Variants in MTO1 observed in about 807,000 individuals in gnomAD.
MTO1 encodes mitochondrial tRNA translation optimization 1.
A neutral mutation model predicts 71.6 loss-of-function variants in MTO1; 46 were observed. The ratio of observed to expected loss-of-function variants is 0.64; its 90% CI spans 0.51 to 0.82. The LOEUF (loss-of-function observed/expected upper bound fraction) is 0.82, where lower values mean the gene tolerates loss of function less well. Among genes scored for constraint, MTO1 ranks in the 40% least tolerant of loss-of-function variants. The probability of loss-of-function intolerance (pLI) is 0.00; values close to 1 mark genes in which losing one functional copy is unlikely to be tolerated. For synonymous variants in MTO1, 297 were observed against 312.1 expected (o/e 0.95, Z 0.51); for missense variants, 773 against 867.5 (o/e 0.89, Z 1.37).
At chr6:73,467,644 T>TAAATAAATAAATAAATAAATAA (rs1373451890) in intron 3 of MTO1, among the ~76,000 whole-genome samples, 17 of 52,220 alleles carry the variant, frequency 3.3e-4, no homozygotes, top group Non-Finnish European at 7.7e-4. Flanking sequence ...TAAATAAATA[T>TAAATAAATAAATAAATAAATAA]AAAAGAAATT....
At chr6:73,489,653 T>C (rs1185856154) in intron 9 of MTO1, among the ~76,000 whole-genome samples, 2 of 152,180 alleles carry the variant, frequency 1.3e-5, no homozygotes, top group Non-Finnish European at 2.9e-5. Flanking sequence ...CCATGGTGTA[T>C]ATGTGGCACA....
At position 73,492,939 on chromosome 6, in the gene MTO1, C is replaced by A. The variant is rs1473761315; in HGVS notation, c.1756+587C>A. On this transcript the variant is annotated intron_variant, in intron 10 of 11. Transcript: ENST00000498286. ...TTTCAAATAAGTGGTACTGCAGAGTCCTCCTATAAATAAATATATATATAA... is the reference window on the plus strand; with the variant it reads ...TTTCAAATAAGTGGTACTGCAGAGTACTCCTATAAATAAATATATATATAA... Among the ~76,000 whole-genome samples, 4 of 147,676 alleles carry A rather than the reference C, an allele frequency of 2.7e-5. No homozygotes were observed. In the East Asian group the frequency reaches 7.8e-4, roughly 29 times the overall value.
chr6:73,497,008 C>T (rs371165843), intron 10 of MTO1, among the ~76,000 whole-genome samples: 11 of 149,674 alleles, frequency 7.3e-5, no homozygotes, highest in East Asian at 2.1e-4. Flanking sequence ...GAGCCGAGAT[C>T]GCGCCACTGC....
At chr6:73,479,869 G>A in intron 5 of MTO1, 25 bp downstream of exon 5, 1 of 1,605,166 alleles carries the variant, frequency 6.2e-7, no homozygotes, top group Non-Finnish European at 8.5e-7. Context: ...TCAGTGCTCA[G>A]TTACTTTAAG....
chr6:73,471,220 G>A (rs1415637406), intron 3 of MTO1, among the ~76,000 whole-genome samples: 1 of 133,596 alleles, frequency 7.5e-6, no homozygotes. Context: ...TTTTTTTTAA[G>A]TTTGTGGGTT....
intron 1 of MTO1, among the ~76,000 whole-genome samples, chr6:73,464,589 G>A (rs536657230): frequency 6.6e-6 from 1 of 150,518 alleles, no homozygotes; most frequent in South Asian, 2.1e-4. Flanking sequence ...AGACCAGCCT[G>A]ACCAACATGG....
At chr6:73,493,702 A>G (rs75798745) in intron 10 of MTO1, among the ~76,000 whole-genome samples, 29,081 of 151,442 alleles carry the variant, frequency 0.19, 2,866 homozygotes, top group Middle Eastern at 0.23. Flanking sequence ...ATATATATAT[A>G]TCTTTATATA....
At chr6:73,473,300 A>G in intron 3 of MTO1, 65 bp from the exon 4 acceptor site, 1 of 1,388,716 alleles carries the variant, frequency 7.2e-7, no homozygotes, top group East Asian at 2.5e-5. Context: ...AGATAGATAG[A>G]TACATAGATA....
intron 4 of MTO1, among the ~76,000 whole-genome samples, chr6:73,475,512 CTTTTT>C (rs111808691): frequency 7.2e-6 from 1 of 139,324 alleles, no homozygotes; most frequent in Non-Finnish European, 1.6e-5. Flanking sequence ...GTCTTGAACT[CTTTTT>C]TTTTTTTTTT....
rs1006760335 is a variant in MTO1, at chr6:73,500,752, G to T, written c.*17G>T. 6.5e-7 allele frequency: 1 copy of T among 1,535,284 alleles called. No individual in the cohort carries two copies. Among genetic ancestry groups the T allele is most frequent in the African/African-American group, 1.4e-5 (1 of 72,104 alleles). Reference sequence around the variant, plus strand: ...GAGTTATAGCTTTCAATTCATAAAAGATTTTTAAAGAGCATATAAATAATT... The same window carrying T: ...GAGTTATAGCTTTCAATTCATAAAATATTTTTAAAGAGCATATAAATAATT... On this transcript the variant is annotated 3_prime_UTR_variant, in exon 12 of 12. Coordinates refer to ENST00000498286, the MANE Select transcript of MTO1 (RefSeq NM_012123.4).
At chr6:73,492,094 A>T in intron 9 of MTO1, 140 bp from the exon 10 acceptor site, 1 of 501,672 alleles carries the variant, frequency 2.0e-6, no homozygotes. Context: ...ACAGAGCGAG[A>T]CTCCATCTCA....
chr6:73,491,361 G>C (rs11965436), intron 9 of MTO1, among the ~76,000 whole-genome samples: 4,907 of 140,068 alleles, frequency 0.035, 287 homozygotes, highest in Admixed American at 0.17. Flanking sequence ...GAGGTACGCA[G>C]ATCACCTGGG....
At chr6:73,489,295 A>G (rs1461176476) in intron 9 of MTO1, among the ~76,000 whole-genome samples, 2 of 122,278 alleles carry the variant, frequency 1.6e-5, no homozygotes, top group Admixed American at 8.1e-5. Context: ...TTTTTTGTAT[A>G]TTATTATACT....
chr6:73,475,159 CG>C, intron 4 of MTO1, among the ~76,000 whole-genome samples: 1 of 152,026 alleles, frequency 6.6e-6, no homozygotes, highest in African/African-American at 2.4e-5. Flanking sequence ...GACAGGGTCT[CG>C]CCATATTGCC....
At chr6:73,488,535 T>C (rs988375669) in intron 9 of MTO1, among the ~76,000 whole-genome samples, 2 of 152,168 alleles carry the variant, frequency 1.3e-5, no homozygotes, top group South Asian at 2.1e-4. Context: ...ATTTCAGATA[T>C]ATGATTTACA....
chr6:73,500,782 CA>C lies in MTO1; in HGVS notation c.*49del. ...TTAAAGAGCATATAAATAATTTGATCAATACAACAGTATAGATAAAAGAATT... is the reference window on the plus strand; with the variant it reads ...TTAAAGAGCATATAAATAATTTGATCATACAACAGTATAGATAAAAGAATT... On this transcript the variant is annotated 3_prime_UTR_variant, in exon 12 of 12. Coordinates refer to ENST00000498286, the MANE Select transcript of MTO1 (RefSeq NM_012123.4). The C allele has an allele frequency of 6.9e-7, 1 of 1,445,360 alleles. No homozygotes were observed. The highest frequency in any genetic ancestry group is 9.3e-7 in the Non-Finnish European group (1 of 1,070,298). The allele number at this position is 1,445,360 out of a possible 1,614,324, so 89.5% of individuals were successfully genotyped here. A position where few individuals can be genotyped will look rare whatever the true frequency, so the allele number is the denominator to read the frequency against.
chr6:73,466,125 C>G, intron 1 of MTO1, 84 bp from the exon 2 acceptor site: 1 of 1,150,176 alleles, frequency 8.7e-7, no homozygotes, highest in Non-Finnish European at 1.3e-6. Context: ...TGATTATAGT[C>G]ACCTGTATAA....
At position 73,497,157 on chromosome 6, in the gene MTO1, C is replaced by CTTTTT. The variant is rs765385743; in HGVS notation, c.1757-570_1757-566dup. On this transcript the variant is annotated intron_variant, in intron 10 of 11. Transcript: ENST00000498286. ...TTTGCACTGACAGCGGAAGCAAATT[C>CTTTTT]TTTTTTTTTTTTTGAGACAGAGTCT... is the stretch of plus-strand genomic sequence containing the variant. Among the ~76,000 whole-genome samples, 237 of 92,734 alleles carry CTTTTT rather than the reference C, an allele frequency of 2.6e-3. 31 individuals carry two copies. The highest frequency in any genetic ancestry group is 0.01 in the Middle Eastern group (1 of 98). The allele number at this position is 92,734 out of a possible 152,430, so 60.8% of individuals were successfully genotyped here. A position where few individuals can be genotyped will look rare whatever the true frequency, so the allele number is the denominator to read the frequency against.
At chr6:73,487,343 C>T (rs150420894) in intron 9 of MTO1, among the ~76,000 whole-genome samples, 1 of 151,932 alleles carries the variant, frequency 6.6e-6, no homozygotes, top group African/African-American at 2.4e-5. Context: ...AGGCACCCAC[C>T]AGTAATCCCA....
Sources: gnomAD v4.1 joint callset for allele counts (sites outside exome capture counted in the v4.1 genomes callset) on GRCh38, gnomAD v4.1.1 for gene constraint, MANE v1.5 for transcripts, NCBI Gene and HGNC (gene_info 2026-07-23, HGNC 2026-07-21) for gene names.